The following THSD7B variants were observed in gnomAD, a reference collection of about 807,000 sequenced individuals.
THSD7B encodes thrombospondin type 1 domain containing 7B, also known as thrombospondin type-1 domain-containing protein 7B.
THSD7B carries 138 observed loss-of-function variants against 213.6 expected under a neutral mutation model. That is an observed-to-expected ratio of 0.65 (90% confidence interval 0.56 to 0.74). The LOEUF (loss-of-function observed/expected upper bound fraction) is 0.74. Ranked by LOEUF, THSD7B falls within the 30% of genes least tolerant of loss-of-function variation. The probability of loss-of-function intolerance (pLI) is 0.00; values close to 1 mark genes in which losing one functional copy is unlikely to be tolerated. For synonymous variants in THSD7B, 742 were observed against 687.0 expected, an observed-to-expected ratio of 1.08 and a Z score of -1.25; for missense variants, 1,931 against 1,991.5, an observed-to-expected ratio of 0.97 and a Z score of 0.58.
chr2:137,425,312 G>T (rs1248713476), intron 14 of THSD7B, among the ~76,000 whole-genome samples: 1 of 151,932 alleles, frequency 6.6e-6, no homozygotes, highest in Admixed American at 6.6e-5. Flanking sequence ...CACCTCGCAG[G>T]TTCAAGTGAT....
At chr2:136,924,137 G>T (rs770157617) in intron 2 of THSD7B, among the ~76,000 whole-genome samples, 10 of 152,104 alleles carry the variant, frequency 6.6e-5, no homozygotes, top group East Asian at 1.9e-4. Context: ...TTGAGATGGA[G>T]CCCTGCTCTG....
intron 2 of THSD7B, among the ~76,000 whole-genome samples, chr2:136,905,258 T>C (rs1376621383): frequency 1.3e-5 from 2 of 152,160 alleles, no homozygotes; most frequent in Non-Finnish European, 2.9e-5. Context: ...TGTCAGGCAT[T>C]TATGAGGCAT....
intron 4 of THSD7B, among the ~76,000 whole-genome samples, chr2:137,095,949 A>G (rs1045315751): frequency 1.3e-5 from 2 of 152,082 alleles, no homozygotes; most frequent in African/African-American, 4.8e-5. Context: ...CGATACTCCC[A>G]CCTCAGCTTC....
At chr2:137,662,415 C>T (rs1453183259) in intron 25 of THSD7B, among the ~76,000 whole-genome samples, 1 of 151,676 alleles carries the variant, frequency 6.6e-6, no homozygotes, top group Admixed American at 6.6e-5. Context: ...GACTGCCTTT[C>T]CCTCGTGCTC....
rs928348755 is a variant in THSD7B at position 137,086,364 on chromosome 2, T to TA, written c.951-8498dup. Among the ~76,000 whole-genome samples, 41 of 147,798 alleles carry TA rather than the reference T, an allele frequency of 2.8e-4. No individual in the cohort carries two copies. The South Asian group carries it at 3.4e-3, about 12-fold the overall frequency. ...CCACCACCAAAAAAAGTCTAAAAGT[T>TA]AAAAAAAAAAATCTTGTAGCTATAG... On this transcript the variant is annotated intron_variant, in intron 3 of 27. Transcript: ENST00000409968.
intron 7 of THSD7B, among the ~76,000 whole-genome samples, chr2:137,178,069 CAAAA>C (rs35624670): frequency 5.2e-5 from 3 of 57,522 alleles, no homozygotes; most frequent in African/African-American, 1.9e-4. Context: ...AACTCCGTCT[CAAAA>C]AAAAAAAAAA....
chr2:137,462,121 T>A (rs1474214050), intron 15 of THSD7B, among the ~76,000 whole-genome samples: 1 of 152,096 alleles, frequency 6.6e-6, no homozygotes, highest in Non-Finnish European at 1.5e-5. Context: ...TTGTGCAGCA[T>A]CCTGCATAGG....
chr2:137,556,401 GA>G (rs1185180277), intron 15 of THSD7B, among the ~76,000 whole-genome samples: 2 of 152,070 alleles, frequency 1.3e-5, no homozygotes, highest in Non-Finnish European at 2.9e-5. Context: ...CATTCTTAAA[GA>G]AAAGAATTTT....
At chr2:137,198,315 T>A (rs1049469005) in intron 7 of THSD7B, among the ~76,000 whole-genome samples, 2 of 152,170 alleles carry the variant, frequency 1.3e-5, no homozygotes, top group African/African-American at 4.8e-5. Context: ...ATTTTCTCTT[T>A]ATCTTTCAGT....
In THSD7B at chr2:136,777,319, C is replaced by G. The variant is rs1681630231; in HGVS notation, c.-36+11632C>G. ...TTTCCCATTTAATACAAAGCAACTACTCCTGACCCTGTTTCCAGTTACTGC... is the reference window on the plus strand; with the variant it reads ...TTTCCCATTTAATACAAAGCAACTAGTCCTGACCCTGTTTCCAGTTACTGC... On this transcript the variant is annotated intron_variant, in intron 1 of 27. Coordinates refer to ENST00000409968, the MANE Select transcript of THSD7B (RefSeq NM_001316349.2). 2.6e-5 allele frequency among the ~76,000 whole-genome samples: 4 copies of G among 152,166 alleles called. 1 individual carries two copies. In the South Asian group the frequency reaches 8.3e-4, roughly 31 times the overall value.
At chr2:136,931,266 A>C (rs1346739) in intron 2 of THSD7B, among the ~76,000 whole-genome samples, 17,127 of 152,182 alleles carry the variant, frequency 0.11, 1,098 homozygotes, top group East Asian at 0.16. Flanking sequence ...ACATACATGC[A>C]TGTGTTAGTA....
Position 137,095,017 on chromosome 2 carries a change from C to T in THSD7B, c.1095C>T (p.Ser365=). 1 of 1,613,790 alleles carries T rather than the reference C, an allele frequency of 6.2e-7. No individual in the cohort carries two copies. Among genetic ancestry groups the T allele is most frequent in the Non-Finnish European group, 8.5e-7 (1 of 1,179,854 alleles). ...GSLLPGFRSR[S]RNVKHMAIGG... ...TCTTGCCAGGATTTAGGAGCAGGAG[C>T]CGGAACGTGAAGCACATGGCTATTG... The change falls in exon 4 of 28, where the codon AGC becomes AGT. Residue 365 remains serine (S), a synonymous_variant. Coordinates refer to ENST00000409968, the MANE Select transcript of THSD7B (RefSeq NM_001316349.2).
chr2:137,266,063 T>G (rs968686255), intron 10 of THSD7B, among the ~76,000 whole-genome samples: 2 of 152,238 alleles, frequency 1.3e-5, no homozygotes, highest in Non-Finnish European at 2.9e-5. Context: ...AATAGAAAGC[T>G]GGTTTGTCAT....
At chr2:136,990,905 C>A in intron 2 of THSD7B, 1 of 1,349,134 alleles carries the variant, frequency 7.4e-7, no homozygotes. Context: ...CATAACACAG[C>A]AGATGAGGTG....
chr2:137,172,526 T>C (rs1322306050), intron 7 of THSD7B, among the ~76,000 whole-genome samples: 6 of 152,300 alleles, frequency 3.9e-5, no homozygotes, highest in South Asian at 2.1e-4. Context: ...ATGGAAGCCC[T>C]GCACTCTGTC....
intron 2 of THSD7B, among the ~76,000 whole-genome samples, chr2:136,993,987 T>C (rs919989904): frequency 1.3e-5 from 2 of 152,242 alleles, no homozygotes; most frequent in African/African-American, 4.8e-5. Context: ...GTGTATTTTC[T>C]GAGGTTATGG....
intron 17 of THSD7B, among the ~76,000 whole-genome samples, chr2:137,595,762 CAT>C (rs1316419573): frequency 1.3e-5 from 2 of 151,722 alleles, no homozygotes; most frequent in African/African-American, 4.8e-5. Context: ...TGTATATACA[CAT>C]ATATGTTTAT....
chr2:137,127,261 C>T (rs756299953), intron 5 of THSD7B, among the ~76,000 whole-genome samples: 1 of 152,106 alleles, frequency 6.6e-6, no homozygotes, highest in East Asian at 1.9e-4. Flanking sequence ...TTAATATCTG[C>T]TAGCTGTGCT....
intron 25 of THSD7B, among the ~76,000 whole-genome samples, chr2:137,662,062 C>CTTTTTTTT (rs778872364): frequency 7.5e-6 from 1 of 132,654 alleles, no homozygotes; most frequent in South Asian, 2.4e-4. Context: ...TTTCTTTTTT[C>CTTTTTTTT]TTTTTTTTTT....
Sources: gnomAD v4.1 joint callset for allele counts (sites outside exome capture counted in the v4.1 genomes callset) on GRCh38, gnomAD v4.1.1 for gene constraint, MANE v1.5 for transcripts, NCBI Gene and HGNC (gene_info 2026-07-23, HGNC 2026-07-21) for gene names.